ARB2A: variants seen among roughly 807,000 people sequenced by gnomAD.
ARB2A encodes cotranscriptional regulator ARB2A.
At chr5:93,989,446 G>T in the ARB2A span, among the ~76,000 whole-genome samples, 4 of 152,048 alleles carry the variant, frequency 2.6e-5, no homozygotes, top group East Asian at 1.9e-4. Context: ...TAAAATCAAA[G>T]ATGTGATTTC....
chr5:93,818,969 C>T, the ARB2A span, among the ~76,000 whole-genome samples: 2 of 151,796 alleles, frequency 1.3e-5, no homozygotes, highest in African/African-American at 4.8e-5. Flanking sequence ...GGGCGGATCA[C>T]GAGGTCAGGA....
chr5:93,689,726 CTTG>C, the ARB2A span, among the ~76,000 whole-genome samples: 2 of 150,756 alleles, frequency 1.3e-5, no homozygotes, highest in Non-Finnish European at 3.0e-5. Flanking sequence ...GAGTTTCGCT[CTTG>C]TTGTCCGGGC....
At chr5:93,975,903 A>T in the ARB2A span, among the ~76,000 whole-genome samples, 4 of 152,148 alleles carry the variant, frequency 2.6e-5, no homozygotes, top group African/African-American at 7.2e-5. Context: ...AAAGTCAAGG[A>T]GGAGGGACTC....
the ARB2A span, among the ~76,000 whole-genome samples, chr5:93,727,626 C>A: frequency 0.11 from 16,468 of 151,942 alleles, 1,027 homozygotes; most frequent in Middle Eastern, 0.18. Context: ...AAGGCAATTG[C>A]CCAGTGGAAT....
At chr5:93,843,317 T>A in the ARB2A span, among the ~76,000 whole-genome samples, 1 of 152,024 alleles carries the variant, frequency 6.6e-6, no homozygotes, top group African/African-American at 2.4e-5. Context: ...AATAGACACT[T>A]GAAAGAAACG....
At chr5:93,782,436 T>C in the ARB2A span, among the ~76,000 whole-genome samples, 1 of 152,200 alleles carries the variant, frequency 6.6e-6, no homozygotes, top group African/African-American at 2.4e-5. Context: ...GCTAGATTCT[T>C]AATTATTGAT....
the ARB2A span, among the ~76,000 whole-genome samples, chr5:93,949,440 A>C: frequency 1.2e-3 from 187 of 152,140 alleles, 4 homozygotes; most frequent in East Asian, 0.028. Context: ...ACACGCCTGT[A>C]GTCCCAGCTA....
the ARB2A span, among the ~76,000 whole-genome samples, chr5:94,110,642 G>A: frequency 6.6e-6 from 1 of 152,078 alleles, no homozygotes; most frequent in Non-Finnish European, 1.5e-5. Flanking sequence ...ACCGTCCCTC[G>A]CATTGTAGGA....
At chr5:93,966,528 C>A in the ARB2A span, among the ~76,000 whole-genome samples, 5 of 151,972 alleles carry the variant, frequency 3.3e-5, no homozygotes, top group African/African-American at 4.8e-5. Context: ...CATAGCAAAC[C>A]AAGTAATAAA....
At chr5:93,666,105 T>A in the ARB2A span, among the ~76,000 whole-genome samples, 1 of 152,006 alleles carries the variant, frequency 6.6e-6, no homozygotes, top group East Asian at 1.9e-4. Context: ...TAACAATGAG[T>A]CTTTATCCTA....
chr5:93,705,571 C>T, the ARB2A span, among the ~76,000 whole-genome samples: 1 of 148,110 alleles, frequency 6.8e-6, no homozygotes, highest in African/African-American at 2.5e-5. Context: ...TAGGGTAAAG[C>T]ATTTGTCCTC....
the ARB2A span, among the ~76,000 whole-genome samples, chr5:93,864,699 G>A: frequency 6.6e-6 from 1 of 152,124 alleles, no homozygotes; most frequent in Non-Finnish European, 1.5e-5. Context: ...AAAATTCAAT[G>A]TGGTTTATAA....
the ARB2A span, among the ~76,000 whole-genome samples, chr5:93,833,893 T>C: frequency 1.3e-5 from 2 of 152,212 alleles, no homozygotes; most frequent in Non-Finnish European, 2.9e-5. Context: ...CATGAGTATA[T>C]TGTATAGTGC....
chr5:93,865,549 T>C, the ARB2A span: 2 of 985,382 alleles, frequency 2.0e-6, no homozygotes, highest in East Asian at 2.3e-4. Flanking sequence ...TCAGGTATCT[T>C]GAAAGTACTA....
chr5:93,621,024 G>A, the ARB2A span: 1 of 1,611,162 alleles, frequency 6.2e-7, no homozygotes, highest in South Asian at 1.1e-5. Flanking sequence ...GGAGCGGCGC[G>A]TCACAGCCGG....
At chr5:93,986,144 G>A in the ARB2A span, among the ~76,000 whole-genome samples, 4 of 140,936 alleles carry the variant, frequency 2.8e-5, no homozygotes, top group Admixed American at 7.0e-5. Flanking sequence ...GCCTCTGCCC[G>A]GCCGCCACCC....
the ARB2A span, among the ~76,000 whole-genome samples, chr5:93,851,447 T>C: frequency 6.6e-6 from 1 of 152,144 alleles, no homozygotes; most frequent in African/African-American, 2.4e-5. Context: ...TGCATGTATT[T>C]TTACTTTATT....
At chr5:94,008,629 T>C in the ARB2A span, among the ~76,000 whole-genome samples, 1 of 152,138 alleles carries the variant, frequency 6.6e-6, no homozygotes, top group Non-Finnish European at 1.5e-5. Context: ...AAGTTACTCA[T>C]ATATACTATC....
chr5:93,707,576 C>CTTTTTTTTTTTTTTTT, the ARB2A span, among the ~76,000 whole-genome samples: 3 of 138,064 alleles, frequency 2.2e-5, no homozygotes, highest in Non-Finnish European at 1.6e-5. Context: ...TTTTTTCTTT[C>CTTTTTTTTTTTTTTTT]TTTTTTTTTT....
Sources: allele counts gnomAD v4.1 joint callset (sites outside exome capture counted in the v4.1 genomes callset), GRCh38; gene constraint gnomAD v4.1.1; transcripts MANE v1.5; gene names NCBI Gene and HGNC (gene_info 2026-07-23, HGNC 2026-07-21).